Variants in FSD1L observed in about 807,000 individuals in gnomAD.
FSD1L encodes the protein FSD1-like protein.
FSD1L carries 45 observed loss-of-function variants against 71.6 expected under a neutral mutation model. The ratio of observed to expected loss-of-function variants is 0.63; its 90% confidence interval spans 0.49 to 0.81. The LOEUF (loss-of-function observed/expected upper bound fraction) is 0.81. FSD1L is among the 30% of genes least tolerant of loss of function. FSD1L has a pLI of 0.00. For synonymous variants in FSD1L, 197 were observed against 207.2 expected (o/e 0.95, Z 0.42); for missense variants, 561 against 618.1 (o/e 0.91, Z 0.98).
At chr9:105,540,718 G>C (rs913915205) in intron 13 of FSD1L, among the ~76,000 whole-genome samples, 41 of 152,178 alleles carry the variant, frequency 2.7e-4, no homozygotes, top group African/African-American at 9.6e-4. Context: ...GTCTTTGTGT[G>C]CTATGCTGAA....
In FSD1L at chr9:105,533,656, C is replaced by T. The variant is rs116089012; in HGVS notation, c.1026-837C>T. On this transcript the variant is annotated intron_variant, in intron 10 of 13. Transcript: ENST00000481272. ...CAGGCTGGTCTCGAACTCCAGACTTCGAGATCCGCCTGTCTTGGCCTCTCA... is the reference window on the plus strand; with the variant it reads ...CAGGCTGGTCTCGAACTCCAGACTTTGAGATCCGCCTGTCTTGGCCTCTCA... Among the ~76,000 whole-genome samples, 1,159 of 150,570 alleles carry T rather than the reference C, an allele frequency of 7.7e-3. 18 individuals carry two copies. Among genetic ancestry groups the T allele is most frequent in the African/African-American group, 0.026 (1,081 of 40,942 alleles).
At chr9:105,494,082 A>T (rs1332565357) in intron 7 of FSD1L, among the ~76,000 whole-genome samples, 1 of 152,338 alleles carries the variant, frequency 6.6e-6, no homozygotes, top group Admixed American at 6.5e-5. Context: ...CCTGGATAAT[A>T]TCCTGCAGAG....
chr9:105,479,693 T>C (rs969135915), intron 6 of FSD1L, among the ~76,000 whole-genome samples: 1 of 152,224 alleles, frequency 6.6e-6, no homozygotes, highest in Non-Finnish European at 1.5e-5. Flanking sequence ...CTTAAAAATA[T>C]ATATTTCTGG....
intron 10 of FSD1L, among the ~76,000 whole-genome samples, chr9:105,519,884 A>T (rs187570877): frequency 0.018 from 2,752 of 152,286 alleles, 70 homozygotes; most frequent in African/African-American, 0.063. Context: ...CGCTCCGTGC[A>T]GGGCCGGGAG....
chr9:105,489,184 A>G (rs1832752989), intron 7 of FSD1L, among the ~76,000 whole-genome samples: 1 of 152,168 alleles, frequency 6.6e-6, no homozygotes, highest in Non-Finnish European at 1.5e-5. Flanking sequence ...TGCACCAGGT[A>G]TACAAATATA....
intron 10 of FSD1L, among the ~76,000 whole-genome samples, chr9:105,518,600 T>G (rs138236793): frequency 0.011 from 1,744 of 152,204 alleles, 48 homozygotes; most frequent in African/African-American, 0.04. Flanking sequence ...ATAAAGATGT[T>G]CTTTGAAACC....
intron 10 of FSD1L, chr9:105,526,367 T>C: frequency 6.2e-7 from 1 of 1,612,856 alleles, no homozygotes; most frequent in South Asian, 1.1e-5. Flanking sequence ...TAAATATCAG[T>C]TCTGTTTATC....
intron 13 of FSD1L, among the ~76,000 whole-genome samples, chr9:105,545,400 C>T (rs1213266375): frequency 5.5e-5 from 8 of 145,902 alleles, no homozygotes; most frequent in Non-Finnish European, 8.9e-5. Flanking sequence ...CTTTTCCTAA[C>T]TGAATACCCT....
At chr9:105,471,356 A>G (rs983805723) in intron 4 of FSD1L, among the ~76,000 whole-genome samples, 5 of 152,030 alleles carry the variant, frequency 3.3e-5, no homozygotes, top group African/African-American at 1.2e-4. Flanking sequence ...TTCTGCTTGA[A>G]TATATGTGGA....
In FSD1L at chr9:105,550,823, A is replaced by T. The variant is rs1378780744; in HGVS notation, c.*4340A>T. The T allele has an allele frequency of 6.6e-6, 1 of 152,088 alleles. No homozygotes were observed. Among genetic ancestry groups the T allele is most frequent in the Non-Finnish European group, 1.5e-5 (1 of 67,946 alleles). The allele number at this position is 152,088 out of a possible 1,614,324, so 9.4% of individuals were successfully genotyped here. ...AAAGAATATTTCTTATTTCTGGGTCAATATAAGGTACTGACTTCTGATGCA... is the reference window on the plus strand; with the variant it reads ...AAAGAATATTTCTTATTTCTGGGTCTATATAAGGTACTGACTTCTGATGCA... On this transcript the variant is annotated 3_prime_UTR_variant, in exon 14 of 14. Transcript: ENST00000481272.
At chr9:105,523,958 A>G (rs1446088366) in intron 10 of FSD1L, 2 of 1,589,918 alleles carry the variant, frequency 1.3e-6, no homozygotes, top group South Asian at 1.1e-5. Context: ...TAGAAGCACA[A>G]GTTCTTCTGG....
intron 10 of FSD1L, chr9:105,525,909 T>G: frequency 6.4e-7 from 1 of 1,556,258 alleles, no homozygotes; most frequent in South Asian, 1.1e-5. Flanking sequence ...CAAGAATGCC[T>G]TCTGATTCTG....
At chr9:105,469,153 T>C (rs1268389121) in intron 4 of FSD1L, among the ~76,000 whole-genome samples, 1 of 152,248 alleles carries the variant, frequency 6.6e-6, no homozygotes, top group Non-Finnish European at 1.5e-5. Context: ...ACATTTTCTT[T>C]ATCCATTTAT....
chr9:105,499,993 A>G (rs1833667919), intron 7 of FSD1L, among the ~76,000 whole-genome samples: 2 of 152,214 alleles, frequency 1.3e-5, no homozygotes, highest in South Asian at 4.1e-4. Context: ...TTTATGGTAC[A>G]GTGCTTTTTA....
chr9:105,523,954 C>A, intron 10 of FSD1L: 3 of 1,589,468 alleles, frequency 1.9e-6, no homozygotes, highest in Non-Finnish European at 2.6e-6. Flanking sequence ...AGAGTAGAAG[C>A]ACAAGTTCTT....
intron 6 of FSD1L, among the ~76,000 whole-genome samples, chr9:105,483,012 G>A (rs1832312139): frequency 1.3e-5 from 2 of 152,010 alleles, no homozygotes; most frequent in East Asian, 1.9e-4. Flanking sequence ...AAGATACTTG[G>A]GGCTGTAAAG....
chr9:105,503,570 C>A (rs1183650831), intron 7 of FSD1L, among the ~76,000 whole-genome samples: 4 of 152,302 alleles, frequency 2.6e-5, no homozygotes, highest in African/African-American at 9.6e-5. Flanking sequence ...AAACATTTAG[C>A]AAATTCTTCA....
At chr9:105,449,320 A>G (rs1413977740) in intron 1 of FSD1L, among the ~76,000 whole-genome samples, 5 of 152,012 alleles carry the variant, frequency 3.3e-5, no homozygotes, top group Non-Finnish European at 7.4e-5. Flanking sequence ...TGGTCTTGAA[A>G]CTCACCTTGG....
At chr9:105,508,174 CTTTTTTT>C (rs11320443) in intron 8 of FSD1L, among the ~76,000 whole-genome samples, 3 of 100,478 alleles carry the variant, frequency 3.0e-5, no homozygotes, top group African/African-American at 4.2e-5. Context: ...ACATATCACT[CTTTTTTT>C]TTTTTTTTTT....
Sources: allele counts gnomAD v4.1 joint callset (sites outside exome capture counted in the v4.1 genomes callset), GRCh38; gene constraint gnomAD v4.1.1; transcripts MANE v1.5; gene names NCBI Gene and HGNC (gene_info 2026-07-23, HGNC 2026-07-21).